The following CRPPA variants were observed in gnomAD, a reference collection of about 807,000 sequenced individuals.
The protein encoded by CRPPA is CDP-L-ribitol pyrophosphorylase A.
Under a neutral mutation model 52.0 loss-of-function variants are expected in CRPPA, and 43 were observed. That is an observed-to-expected ratio of 0.83 (90% CI 0.65 to 1.07). The LOEUF is 1.07. CRPPA is among the 50% of genes least tolerant of loss of function. The pLI is 0.00. For missense variants in CRPPA, 629 were observed against 551.7 expected (o/e 1.14, Z -1.40); for synonymous variants, 250 against 203.5 (o/e 1.23, Z -1.94).
At chr7:16,258,861 A>G in intron 7 of CRPPA, 59 bp downstream of exon 7, 2 of 992,170 alleles carry the variant, frequency 2.0e-6, no homozygotes, top group Non-Finnish European at 3.0e-6. Flanking sequence ...GAATCAAATT[A>G]GTTCTCTTCC....
intron 2 of CRPPA, among the ~76,000 whole-genome samples, chr7:16,392,190 C>G (rs887403197): frequency 6.6e-6 from 1 of 152,048 alleles, no homozygotes; most frequent in African/African-American, 2.4e-5. Context: ...ATGAGGAAAG[C>G]CCCCACATGT....
rs534490300 is a variant in CRPPA at position 16,207,762 on chromosome 7, G to C, written c.1251+8304C>G. Among the ~76,000 whole-genome samples the C allele has an allele frequency of 4.5e-4, 69 of 152,204 alleles. 1 individual carries two copies. The highest frequency in any genetic ancestry group is 1.6e-3 in the African/African-American group (65 of 41,540). On this transcript the variant is annotated intron_variant, in intron 9 of 9. Coordinates refer to ENST00000407010, the MANE Select transcript of CRPPA (RefSeq NM_001101426.4). ...CTCAAAATATCAGAAACTGGACAAA[G>C]ACTAAAATCAAATCCCATTTTAAAT... is the stretch of plus-strand genomic sequence containing the variant.
chr7:16,405,104 GA>G (rs533084010), intron 2 of CRPPA, among the ~76,000 whole-genome samples: 1,462 of 140,490 alleles, frequency 0.01, 13 homozygotes, highest in African/African-American at 0.027. Flanking sequence ...TTTTAAAGGG[GA>G]AAAAAAAAAA....
intron 9 of CRPPA, among the ~76,000 whole-genome samples, chr7:16,162,893 A>G (rs1335705576): frequency 6.7e-6 from 1 of 150,292 alleles, no homozygotes; most frequent in East Asian, 1.9e-4. Context: ...TAGGAGAGTT[A>G]GCTCTTCCTG....
At chr7:16,092,963 T>C (rs892023061) in intron 9 of CRPPA, among the ~76,000 whole-genome samples, 2 of 152,172 alleles carry the variant, frequency 1.3e-5, no homozygotes, top group African/African-American at 2.4e-5. Context: ...ACACCCTTTC[T>C]AGCTTAGCTG....
At chr7:16,286,034 AAAAAATATAAATATATATAT>A (rs1784423341) in intron 5 of CRPPA, among the ~76,000 whole-genome samples, 6 of 21,352 alleles carry the variant, frequency 2.8e-4, no homozygotes, top group Non-Finnish European at 5.3e-4. Context: ...AAAAAAAAAA[AAAAAATATAAATATATATAT>A]ATATATATAT....
chr7:16,134,669 G>A (rs1305686390), intron 9 of CRPPA, among the ~76,000 whole-genome samples: 2 of 152,126 alleles, frequency 1.3e-5, no homozygotes, highest in Admixed American at 1.3e-4. Flanking sequence ...ACTTGCTGAA[G>A]TTTCAACAGA....
intron 8 of CRPPA, among the ~76,000 whole-genome samples, chr7:16,249,296 C>A (rs932044008): frequency 5.3e-5 from 8 of 152,104 alleles, no homozygotes; most frequent in Non-Finnish European, 1.0e-4. Context: ...CAGCTGTGGG[C>A]GCAGCTTCAG....
Position 16,090,982 on chromosome 7 carries a change from A to G in CRPPA, c.*713T>C, listed in dbSNP as rs371310013. 2.0e-5 allele frequency: 3 copies of G among 152,392 alleles called. No homozygotes were observed. Among genetic ancestry groups the G allele is most frequent in the East Asian group, 3.9e-4 (2 of 5,190 alleles). 9.4% of individuals were successfully genotyped at this position (152,392 alleles called of 1,614,324 possible). A position where few individuals can be genotyped will look rare whatever the true frequency, so the allele number is the denominator to read the frequency against. Reference sequence around the variant, plus strand: ...AACCAGGGATTGACCAGAATCACCTACGAAACTTTCCAGACACTTTTAAGT... The same window carrying G: ...AACCAGGGATTGACCAGAATCACCTGCGAAACTTTCCAGACACTTTTAAGT... On this transcript the variant is annotated 3_prime_UTR_variant, in exon 10 of 10. Coordinates refer to ENST00000407010, the MANE Select transcript of CRPPA (RefSeq NM_001101426.4).
At chr7:16,149,525 T>C (rs561423546) in intron 9 of CRPPA, among the ~76,000 whole-genome samples, 4 of 152,142 alleles carry the variant, frequency 2.6e-5, no homozygotes, top group African/African-American at 9.7e-5. Flanking sequence ...CATGAGGAAA[T>C]GAAGGCCATT....
chr7:16,286,738 T>C (rs1415163444), intron 5 of CRPPA, among the ~76,000 whole-genome samples: 1 of 152,124 alleles, frequency 6.6e-6, no homozygotes, highest in Non-Finnish European at 1.5e-5. Flanking sequence ...ACTACAAAAA[T>C]TCCTATTTCT....
intron 3 of CRPPA, among the ~76,000 whole-genome samples, chr7:16,363,837 T>C (rs556881807): frequency 2.0e-5 from 3 of 152,248 alleles, no homozygotes; most frequent in East Asian, 3.9e-4. Context: ...ACAATTCAAA[T>C]AGAAACAACA....
At chr7:16,414,780 T>A (rs569576920) in intron 1 of CRPPA, among the ~76,000 whole-genome samples, 21 of 152,310 alleles carry the variant, frequency 1.4e-4, no homozygotes, top group African/African-American at 4.3e-4. Context: ...ACTTTTGAAA[T>A]CCTAGGAACA....
intron 8 of CRPPA, among the ~76,000 whole-genome samples, chr7:16,234,676 G>A (rs968655383): frequency 6.6e-6 from 1 of 152,070 alleles, no homozygotes; most frequent in African/African-American, 2.4e-5. Flanking sequence ...CGTTGTAGAA[G>A]ACAGCACTAG....
rs543706926 is a variant in CRPPA at position 16,313,559 on chromosome 7, A to G, written c.685-4932T>C. On this transcript the variant is annotated intron_variant, in intron 3 of 9. Transcript: ENST00000407010. ...TTCATCTATTTCTGCTCCAATTTTTATTTGCTTTCTTCTGCTTAATCTGCT... is the reference window on the plus strand; with the variant it reads ...TTCATCTATTTCTGCTCCAATTTTTGTTTGCTTTCTTCTGCTTAATCTGCT... 3.3e-5 allele frequency among the ~76,000 whole-genome samples: 5 copies of G among 151,652 alleles called. No individual in the cohort carries two copies. The East Asian group carries it at 5.8e-4, about 18-fold the overall frequency.
chr7:16,212,407 AC>A (rs1782175365), intron 9 of CRPPA, among the ~76,000 whole-genome samples: 1 of 152,218 alleles, frequency 6.6e-6, no homozygotes, highest in Non-Finnish European at 1.5e-5. Context: ...CCATGCTGCC[AC>A]ATTTAATATG....
Position 16,342,798 on chromosome 7 carries a change from T to TAGATAGATATATAGATATA in CRPPA, c.684+33293_684+33294insTATATCTATATATCTATCT, listed in dbSNP as rs1491461185. On this transcript the variant is annotated intron_variant, in intron 3 of 9. Transcript: ENST00000407010. Reference sequence around the variant, plus strand: ...AAAAAAAAAAATATATATATATATATCTATATAGATATATAGATATACATA... The same window carrying TAGATAGATATATAGATATA: ...AAAAAAAAAAATATATATATATATATAGATAGATATATAGATATACTATATAGATATATAGATATACATA... Among the ~76,000 whole-genome samples, 3 of 101,254 alleles carry TAGATAGATATATAGATATA rather than the reference T, an allele frequency of 3.0e-5. 1 individual carries two copies. The highest frequency in any genetic ancestry group is 1.2e-4 in the African/African-American group (3 of 24,544). 66.4% of individuals were successfully genotyped at this position (101,254 alleles called of 152,430 possible).
intron 5 of CRPPA, among the ~76,000 whole-genome samples, chr7:16,292,918 T>C (rs918253684): frequency 1.3e-5 from 2 of 151,906 alleles, no homozygotes; most frequent in African/African-American, 4.8e-5. Flanking sequence ...CTGTCCTCTA[T>C]AGACAGAAAA....
intron 8 of CRPPA, among the ~76,000 whole-genome samples, chr7:16,244,448 C>T (rs1783211986): frequency 1.3e-5 from 2 of 152,098 alleles, no homozygotes; most frequent in African/African-American, 2.4e-5. Flanking sequence ...GTTACATGAC[C>T]CTTTAGAATA....
Sources: allele counts gnomAD v4.1 joint callset (sites outside exome capture counted in the v4.1 genomes callset), GRCh38; gene constraint gnomAD v4.1.1; transcripts MANE v1.5; gene names NCBI Gene and HGNC (gene_info 2026-07-23, HGNC 2026-07-21).